Variants in DPY19L1 observed in about 807,000 individuals in gnomAD.
DPY19L1 encodes protein C-mannosyl-transferase DPY19L1.
A neutral mutation model predicts 96.9 loss-of-function variants in DPY19L1; 35 were observed. The ratio of observed to expected loss-of-function variants is 0.36; its 90% confidence interval spans 0.28 to 0.48. The LOEUF (loss-of-function observed/expected upper bound fraction) is 0.48, where lower values mean the gene tolerates loss of function less well. DPY19L1 is among the 20% of genes least tolerant of loss of function. DPY19L1 has a pLI of 0.99. For missense variants in DPY19L1, 521 were observed against 777.9 expected (o/e 0.67, Z 3.93); for synonymous variants, 205 against 252.6 (o/e 0.81, Z 1.79).
intron 7 of DPY19L1, among the ~76,000 whole-genome samples, chr7:34,975,652 T>C (rs1349850739): frequency 6.6e-6 from 1 of 152,218 alleles, no homozygotes; most frequent in Non-Finnish European, 1.5e-5. Flanking sequence ...AGGACTTTCC[T>C]AGTCAGAGAG....
At chr7:34,991,527 A>G (rs1026993864) in intron 6 of DPY19L1, among the ~76,000 whole-genome samples, 3 of 152,252 alleles carry the variant, frequency 2.0e-5, no homozygotes, top group Non-Finnish European at 4.4e-5. Context: ...GAAGAGAAGC[A>G]CACAGGCTAG....
At chr7:35,028,851 C>T (rs1786193248) in intron 1 of DPY19L1, among the ~76,000 whole-genome samples, 1 of 152,132 alleles carries the variant, frequency 6.6e-6, no homozygotes, top group Non-Finnish European at 1.5e-5. Context: ...CTTTTTAGAC[C>T]ATATAGCCTA....
intron 1 of DPY19L1, among the ~76,000 whole-genome samples, chr7:35,029,685 T>A (rs73110560): frequency 6.6e-6 from 1 of 152,124 alleles, no homozygotes; most frequent in Non-Finnish European, 1.5e-5. Flanking sequence ...AAAATAATCA[T>A]ATAAAAAAAC....
At chr7:34,958,414 T>A (rs1250085602) in intron 10 of DPY19L1, among the ~76,000 whole-genome samples, 2 of 152,242 alleles carry the variant, frequency 1.3e-5, no homozygotes, top group Non-Finnish European at 2.9e-5. Context: ...ACATTCTGCT[T>A]AAGAACTGGT....
rs1783724708 is a variant in DPY19L1, at chr7:34,930,206, T to C, written c.*1367A>G. ...AATTAAATGTGTAGTCTGTCAGCCA[T>C]AGTCACGCTTTGCTTAGAATTTAAA... On this transcript the variant is annotated 3_prime_UTR_variant, in exon 22 of 22. Transcript: ENST00000638088. The C allele has an allele frequency of 6.6e-6, 1 of 152,238 alleles. No individual in the cohort carries two copies. The highest frequency in any genetic ancestry group is 2.4e-5 in the African/African-American group (1 of 41,468). The allele number at this position is 152,238 out of a possible 1,614,324, so 9.4% of individuals were successfully genotyped here. A position where few individuals can be genotyped will look rare whatever the true frequency, so the allele number is the denominator to read the frequency against.
At chr7:34,992,130 G>A (rs887046523) in intron 6 of DPY19L1, among the ~76,000 whole-genome samples, 15 of 152,096 alleles carry the variant, frequency 9.9e-5, no homozygotes, top group African/African-American at 1.7e-4. Flanking sequence ...GCAGGAGGTC[G>A]TTTCTCCACC....
At chr7:34,988,538 T>C (rs1785098517) in intron 7 of DPY19L1, among the ~76,000 whole-genome samples, 1 of 152,092 alleles carries the variant, frequency 6.6e-6, no homozygotes. Context: ...ACTAAGAACA[T>C]ATTAGCTAAG....
At chr7:35,024,153 G>T (rs1786067591) in intron 1 of DPY19L1, among the ~76,000 whole-genome samples, 1 of 152,062 alleles carries the variant, frequency 6.6e-6, no homozygotes, top group African/African-American at 2.4e-5. Context: ...TGTATTCTAA[G>T]TCCAAAATGA....
chr7:35,037,043 G>C (rs1272988562), intron 1 of DPY19L1, 54 bp downstream of exon 1: 2 of 158,452 alleles, frequency 1.3e-5, no homozygotes, highest in Non-Finnish European at 1.4e-5. Context: ...GAGGGGAGGG[G>C]GCCAGCGCCT....
intron 21 of DPY19L1, 31 bp downstream of exon 21, chr7:34,937,963 A>G: frequency 6.2e-7 from 1 of 1,605,862 alleles, no homozygotes; most frequent in Non-Finnish European, 8.5e-7. Context: ...ATGTCTTATG[A>G]TTATAAAATG....
intron 21 of DPY19L1, among the ~76,000 whole-genome samples, chr7:34,934,369 G>A (rs1783821062): frequency 6.6e-6 from 1 of 152,162 alleles, no homozygotes; most frequent in Non-Finnish European, 1.5e-5. Context: ...ACAATAAAAC[G>A]TGGAACCATT....
At chr7:34,945,802 A>G (rs1205889035) in intron 15 of DPY19L1, 86 bp from the exon 16 acceptor site, 9 of 889,056 alleles carry the variant, frequency 1.0e-5, no homozygotes, top group Non-Finnish European at 1.6e-5. Context: ...CTGTAAAATA[A>G]CTTTTAATGA....
At chr7:34,958,407 T>C (rs1412406435) in intron 10 of DPY19L1, among the ~76,000 whole-genome samples, 2 of 152,236 alleles carry the variant, frequency 1.3e-5, no homozygotes, top group Admixed American at 6.5e-5. Flanking sequence ...ATCTAATACA[T>C]TCTGCTTAAG....
chr7:34,976,535 G>T (rs749024535), intron 7 of DPY19L1, among the ~76,000 whole-genome samples: 3 of 152,166 alleles, frequency 2.0e-5, no homozygotes, highest in Non-Finnish European at 2.9e-5. Context: ...GCAGTGGCAG[G>T]GTTTGGGAGG....
chr7:34,960,775 G>A (rs749858977), intron 10 of DPY19L1, among the ~76,000 whole-genome samples: 28 of 151,930 alleles, frequency 1.8e-4, no homozygotes, highest in African/African-American at 5.3e-4. Context: ...TGAAATATCC[G>A]TCTATTTTTA....
chr7:35,035,097 C>A (rs1382597980), intron 1 of DPY19L1, among the ~76,000 whole-genome samples: 1 of 152,138 alleles, frequency 6.6e-6, no homozygotes, highest in Non-Finnish European at 1.5e-5. Context: ...AAGAAGCAAC[C>A]CAGGTCCAAT....
intron 13 of DPY19L1, among the ~76,000 whole-genome samples, chr7:34,951,288 A>G (rs1784261685): frequency 6.6e-6 from 1 of 152,102 alleles, no homozygotes; most frequent in Admixed American, 6.5e-5. Context: ...GGTGAATACA[A>G]TCAATTAGCT....
intron 13 of DPY19L1, among the ~76,000 whole-genome samples, chr7:34,950,471 A>C (rs1302054114): frequency 6.6e-6 from 1 of 152,224 alleles, no homozygotes; most frequent in African/African-American, 2.4e-5. Context: ...CATGTGAGGA[A>C]GGTGGATTTT....
intron 7 of DPY19L1, among the ~76,000 whole-genome samples, chr7:34,984,376 C>T (rs554662482): frequency 6.6e-6 from 1 of 152,138 alleles, no homozygotes; most frequent in South Asian, 2.1e-4. Context: ...TGTGCAAAGG[C>T]CCTGAGGAAG....
Sources: allele counts gnomAD v4.1 joint callset (sites outside exome capture counted in the v4.1 genomes callset), GRCh38; gene constraint gnomAD v4.1.1; transcripts MANE v1.5; gene names NCBI Gene and HGNC (gene_info 2026-07-23, HGNC 2026-07-21).